The following NRG1 variants were observed in gnomAD, a reference collection of about 807,000 sequenced individuals.
NRG1 encodes pro-neuregulin-1, membrane-bound isoform.
A neutral mutation model predicts 63.8 loss-of-function variants in NRG1; 18 were observed. That is an observed-to-expected ratio of 0.28 (90% CI 0.19 to 0.42). The LOEUF (loss-of-function observed/expected upper bound fraction) is 0.42. Ranked by LOEUF, NRG1 falls within the 10% of genes least tolerant of loss-of-function variation. The pLI is 1.00. For synonymous variants in NRG1, 302 were observed against 301.3 expected (o/e 1.00, Z -0.02); for missense variants, 762 against 814.7 (o/e 0.94, Z 0.79).
chr8:32,182,489 T>C (rs909953597), intron 1 of NRG1, among the ~76,000 whole-genome samples: 11 of 152,148 alleles, frequency 7.2e-5, no homozygotes, highest in Admixed American at 1.3e-4. Flanking sequence ...TCAGGTGATA[T>C]GCCTGCCTCA....
At chr8:31,866,731 G>A (rs925399782) in intron 1 of NRG1, among the ~76,000 whole-genome samples, 3 of 152,096 alleles carry the variant, frequency 2.0e-5, no homozygotes, top group African/African-American at 4.8e-5. Flanking sequence ...CTCTAGATAG[G>A]AGCAAACTTC....
downstream of NRG1, among the ~76,000 whole-genome samples, chr8:32,768,369 A>G (rs1831579252): frequency 1.3e-5 from 2 of 152,202 alleles, no homozygotes; most frequent in African/African-American, 2.4e-5. Flanking sequence ...AAATGCTCTC[A>G]TGGTTCAAAT....
At chr8:31,725,211 C>G (rs1813305616) in intron 1 of NRG1, among the ~76,000 whole-genome samples, 1 of 152,072 alleles carries the variant, frequency 6.6e-6, no homozygotes, top group Non-Finnish European at 1.5e-5. Flanking sequence ...TGAAACAGTT[C>G]CAAGTATAAA....
chr8:32,507,371 A>T (rs1452059576), intron 1 of NRG1, among the ~76,000 whole-genome samples: 6 of 152,154 alleles, frequency 3.9e-5, no homozygotes, highest in Non-Finnish European at 4.4e-5. Flanking sequence ...AAGAGACTGA[A>T]ATGGTAGTTT....
chr8:32,382,742 A>C (rs567623814), intron 1 of NRG1, among the ~76,000 whole-genome samples: 2 of 152,302 alleles, frequency 1.3e-5, no homozygotes, highest in Non-Finnish European at 2.9e-5. Context: ...AACAGTAAGG[A>C]AAAGAAGTGT....
intron 1 of NRG1, among the ~76,000 whole-genome samples, chr8:32,237,920 C>A (rs1260054433): frequency 6.6e-6 from 1 of 152,036 alleles, no homozygotes; most frequent in Non-Finnish European, 1.5e-5. Flanking sequence ...ATTTATAAGA[C>A]CATCTTTGAA....
intron 1 of NRG1, among the ~76,000 whole-genome samples, chr8:32,411,916 C>T (rs968368315): frequency 3.3e-5 from 5 of 152,114 alleles, no homozygotes; most frequent in Admixed American, 6.5e-5. Flanking sequence ...GGGGACCATG[C>T]GTACTCTGAT....
intron 1 of NRG1, among the ~76,000 whole-genome samples, chr8:31,989,811 A>C (rs758254618): frequency 3.3e-5 from 5 of 152,006 alleles, no homozygotes; most frequent in Admixed American, 6.6e-5. Context: ...GCTGAATCTG[A>C]ATGGTCTTGG....
intron 1 of NRG1, among the ~76,000 whole-genome samples, chr8:32,506,259 A>AAAAAC (rs1300174858): frequency 2.6e-5 from 4 of 152,224 alleles, no homozygotes; most frequent in South Asian, 2.1e-4. Flanking sequence ...GAAAGAAAGA[A>AAAAAC]AAAACAAAAC....
At chr8:32,525,025 G>T (rs1830687425) in intron 1 of NRG1, among the ~76,000 whole-genome samples, 1 of 152,170 alleles carries the variant, frequency 6.6e-6, no homozygotes, top group African/African-American at 2.4e-5. Context: ...GCCCTCCAGA[G>T]CTATGCCGAT....
intron 5 of NRG1, among the ~76,000 whole-genome samples, chr8:32,639,985 G>A (rs1436152759): frequency 1.3e-5 from 2 of 152,074 alleles, no homozygotes; most frequent in Non-Finnish European, 2.9e-5. Context: ...GTACATAAAA[G>A]CAAAATTATA....
At chr8:31,914,591 T>C (rs57699277) in intron 1 of NRG1, among the ~76,000 whole-genome samples, 1,785 of 152,238 alleles carry the variant, frequency 0.012, 38 homozygotes, top group African/African-American at 0.041. Context: ...ACATGTGAAG[T>C]GGTAAATTCT....
intron 1 of NRG1, among the ~76,000 whole-genome samples, chr8:32,392,248 C>A (rs1182499390): frequency 6.6e-6 from 1 of 152,170 alleles, no homozygotes; most frequent in African/African-American, 2.4e-5. Context: ...CTTCTGACAG[C>A]AGCTTGAGAC....
At chr8:31,805,282 A>G (rs185488996) in intron 1 of NRG1, among the ~76,000 whole-genome samples, 5 of 152,092 alleles carry the variant, frequency 3.3e-5, no homozygotes, top group African/African-American at 1.2e-4. Context: ...TAATTGTAGT[A>G]TAATATTAAT....
intron 1 of NRG1, among the ~76,000 whole-genome samples, chr8:31,901,777 G>A (rs1832103565): frequency 6.6e-6 from 1 of 152,192 alleles, no homozygotes; most frequent in South Asian, 2.1e-4. Flanking sequence ...ATGACTCATT[G>A]AAGCTCCAGG....
chr8:32,085,947 C>T (rs1478291592), intron 1 of NRG1, among the ~76,000 whole-genome samples: 1 of 152,198 alleles, frequency 6.6e-6, no homozygotes, highest in East Asian at 1.9e-4. Context: ...TATGCTTTGC[C>T]TCTTAGCCAG....
At chr8:32,080,771 G>GCA (rs1827334894) in intron 1 of NRG1, among the ~76,000 whole-genome samples, 1 of 13,964 alleles carries the variant, frequency 7.2e-5, no homozygotes, top group African/African-American at 2.2e-4. Flanking sequence ...GTGCGTGTGT[G>GCA]TGTGTGTGTG....
At chr8:32,562,836 T>A (rs1836709754) in intron 1 of NRG1, among the ~76,000 whole-genome samples, 1 of 152,214 alleles carries the variant, frequency 6.6e-6, no homozygotes, top group African/African-American at 2.4e-5. Context: ...TAACTGTATA[T>A]GATTTGGGCA....
At chr8:31,788,933 A>G (rs562829729) in intron 1 of NRG1, among the ~76,000 whole-genome samples, 1 of 152,182 alleles carries the variant, frequency 6.6e-6, no homozygotes, top group Non-Finnish European at 1.5e-5. Flanking sequence ...TAAAATTTCC[A>G]GTGTATGTTA....
Sources: gnomAD v4.1 joint callset for allele counts (sites outside exome capture counted in the v4.1 genomes callset) on GRCh38, gnomAD v4.1.1 for gene constraint, MANE v1.5 for transcripts, NCBI Gene and HGNC (gene_info 2026-07-23, HGNC 2026-07-21) for gene names.